The following BRI3BP variants were observed in gnomAD, a reference collection of about 807,000 sequenced individuals.
BRI3BP encodes the protein BRI3 binding protein.
In BRI3BP, 7 loss-of-function variants were observed where a neutral mutation model predicts 15.8. The observed-to-expected ratio is 0.44, with a 90% confidence interval of 0.25 to 0.83. The LOEUF (loss-of-function observed/expected upper bound fraction) is 0.83, where lower values mean the gene tolerates loss of function less well. BRI3BP is among the 40% of genes least tolerant of loss of function. The pLI, the probability that BRI3BP is intolerant of heterozygous loss-of-function variation, is 0.20. For missense variants in BRI3BP, 320 were observed against 339.3 expected, an observed-to-expected ratio of 0.94 and a Z score of 0.45; for synonymous variants, 192 against 163.5, an observed-to-expected ratio of 1.17 and a Z score of -1.33.
At chr12:125,011,817 G>C (rs951154775) in intron 1 of BRI3BP, among the ~76,000 whole-genome samples, 1 of 152,196 alleles carries the variant, frequency 6.6e-6, no homozygotes, top group Non-Finnish European at 1.5e-5. Context: ...CAGAGGCTCA[G>C]GGTCCTTAGA....
the BRI3BP span, among the ~76,000 whole-genome samples, chr12:125,038,330 G>T: frequency 6.6e-6 from 1 of 151,948 alleles, no homozygotes; most frequent in Non-Finnish European, 1.5e-5. Context: ...GCCTTTTCTT[G>T]GTTATCTTCA....
chr12:125,037,344 C>T, the BRI3BP span, among the ~76,000 whole-genome samples: 2 of 152,182 alleles, frequency 1.3e-5, no homozygotes, highest in Non-Finnish European at 2.9e-5. Context: ...AGGCGTGAGC[C>T]GCCACGCCCT....
the BRI3BP span, among the ~76,000 whole-genome samples, chr12:125,036,253 C>T: frequency 2.0e-5 from 3 of 147,552 alleles, no homozygotes; most frequent in African/African-American, 7.4e-5. Context: ...TTAGTAGAGA[C>T]GGGGGTTTCA....
At chr12:125,007,377 C>T (rs1237095029) in intron 1 of BRI3BP, among the ~76,000 whole-genome samples, 1 of 152,128 alleles carries the variant, frequency 6.6e-6, no homozygotes, top group East Asian at 1.9e-4. Context: ...TAGGAAAACC[C>T]TGTCTCTACT....
intron 1 of BRI3BP, among the ~76,000 whole-genome samples, chr12:125,000,857 A>G (rs1244412286): frequency 6.6e-6 from 1 of 152,172 alleles, no homozygotes; most frequent in East Asian, 1.9e-4. Context: ...ACAGAACCAC[A>G]ATACCATTGT....
At chr12:125,009,877 G>A (rs540122268) in intron 1 of BRI3BP, among the ~76,000 whole-genome samples, 13 of 152,256 alleles carry the variant, frequency 8.5e-5, no homozygotes, top group Admixed American at 7.8e-4. Context: ...CTAGGCAGGC[G>A]GGTCACTTGA....
intron 1 of BRI3BP, 142 bp from the exon 2 acceptor site, chr12:125,012,392 G>A (rs955350487): frequency 1.0e-5 from 7 of 686,942 alleles, no homozygotes; most frequent in Non-Finnish European, 1.8e-5. Flanking sequence ...AATCCCCTGG[G>A]CCAGTAGTCC....
At chr12:125,024,258 A>ACCCCCCCCCC (rs67780786) in intron 2 of BRI3BP, among the ~76,000 whole-genome samples, 1 of 134,946 alleles carries the variant, frequency 7.4e-6, no homozygotes, top group Non-Finnish European at 1.6e-5. Flanking sequence ...ATCTCATGAA[A>ACCCCCCCCCC]CCCCCCCCCC....
rs1397107177 is a variant in BRI3BP at position 125,019,990 on chromosome 12, C to T, written c.317-5001C>T. Among the ~76,000 whole-genome samples the T allele has an allele frequency of 5.9e-5, 7 of 118,218 alleles. No individual in the cohort carries two copies. In the South Asian group the frequency reaches 1.2e-3, roughly 19 times the overall value. The allele number at this position is 118,218 out of a possible 152,430, so 77.6% of individuals were successfully genotyped here. A position where few individuals can be genotyped will look rare whatever the true frequency, so the allele number is the denominator to read the frequency against. On this transcript the variant is annotated intron_variant, in intron 2 of 2. Coordinates refer to ENST00000341446, the MANE Select transcript of BRI3BP (RefSeq NM_080626.6). Reference sequence around the variant, plus strand: ...TTTTTTTTTTTTTGAGATGGAGTCTCTCTCTGTTGCCCAGGCTGGAGTGCA... The same window carrying T: ...TTTTTTTTTTTTTGAGATGGAGTCTTTCTCTGTTGCCCAGGCTGGAGTGCA...
chr12:125,049,311 CACTT>C, the BRI3BP span, among the ~76,000 whole-genome samples: 1 of 152,178 alleles, frequency 6.6e-6, no homozygotes, highest in Non-Finnish European at 1.5e-5. Context: ...GGGCACTAAT[CACTT>C]ACTCAGCTTG....
chr12:125,051,151 AG>A, the BRI3BP span, among the ~76,000 whole-genome samples: 33 of 152,272 alleles, frequency 2.2e-4, no homozygotes, highest in Non-Finnish European at 4.1e-4. Context: ...GGATTAAATG[AG>A]GCCTCTGTTG....
intron 2 of BRI3BP, among the ~76,000 whole-genome samples, chr12:125,014,361 A>C (rs1955222687): frequency 6.6e-6 from 1 of 152,174 alleles, no homozygotes; most frequent in Non-Finnish European, 1.5e-5. Context: ...CAGGGTTCCT[A>C]AGACCATCTA....
At chr12:125,005,125 G>C (rs1955130167) in intron 1 of BRI3BP, among the ~76,000 whole-genome samples, 1 of 152,138 alleles carries the variant, frequency 6.6e-6, no homozygotes, top group African/African-American at 2.4e-5. Context: ...TGGGATTACA[G>C]GTGTGAGCCA....
the BRI3BP span, among the ~76,000 whole-genome samples, chr12:125,037,077 G>A: frequency 6.6e-6 from 1 of 152,192 alleles, no homozygotes; most frequent in Non-Finnish European, 1.5e-5. Context: ...TTTGTTTTTG[G>A]AGACAAAGTT....
chr12:125,049,557 G>C, the BRI3BP span, among the ~76,000 whole-genome samples: 5 of 152,106 alleles, frequency 3.3e-5, no homozygotes, highest in South Asian at 1.0e-3. Context: ...GGGCAGGACC[G>C]ACTCGCCGGT....
intron 2 of BRI3BP, among the ~76,000 whole-genome samples, chr12:125,014,864 G>A (rs1383847502): frequency 6.6e-6 from 1 of 152,058 alleles, no homozygotes; most frequent in Non-Finnish European, 1.5e-5. Flanking sequence ...AACTTCCTGG[G>A]CTCGTGATCC....
intron 1 of BRI3BP, among the ~76,000 whole-genome samples, chr12:125,002,147 T>C (rs1955097434): frequency 6.6e-6 from 1 of 152,256 alleles, no homozygotes; most frequent in Non-Finnish European, 1.5e-5. Flanking sequence ...TTTTGTCTAT[T>C]GTGAATGGAT....
intron 1 of BRI3BP, among the ~76,000 whole-genome samples, chr12:124,998,602 T>G (rs1195154956): frequency 1.3e-5 from 2 of 152,030 alleles, no homozygotes; most frequent in Non-Finnish European, 1.5e-5. Context: ...TGCCAGGGGC[T>G]GGGGGAGGGA....
the BRI3BP span, among the ~76,000 whole-genome samples, chr12:125,038,882 G>A: frequency 1.3e-5 from 2 of 152,098 alleles, no homozygotes; most frequent in Non-Finnish European, 2.9e-5. Flanking sequence ...CTGAGATCAG[G>A]GGTTCAAGAC....
Sources: allele counts gnomAD v4.1 joint callset (sites outside exome capture counted in the v4.1 genomes callset), GRCh38; gene constraint gnomAD v4.1.1; transcripts MANE v1.5; gene names NCBI Gene and HGNC (gene_info 2026-07-23, HGNC 2026-07-21).